RBM39: variants seen among roughly 807,000 people sequenced by gnomAD.
RBM39 encodes RNA binding motif protein 39.
Under a neutral mutation model 79.6 loss-of-function variants are expected in RBM39, and 12 were observed. The observed-to-expected ratio is 0.15, with a 90% CI of 0.10 to 0.24. The LOEUF is 0.24. Among genes scored for constraint, RBM39 ranks in the 10% least tolerant of loss-of-function variants. The pLI is 1.00. For missense variants in RBM39, 243 were observed against 653.4 expected (o/e 0.37, Z 6.85); for synonymous variants, 185 against 208.4 (o/e 0.89, Z 0.97).
chr20:35,702,005 G>A lies in RBM39; in HGVS notation c.*2476C>T, dbSNP rs1421381758. 6.6e-6 allele frequency: 1 copy of A among 152,070 alleles called. No individual in the cohort carries two copies. Among genetic ancestry groups the A allele is most frequent in the Non-Finnish European group, 1.5e-5 (1 of 68,014 alleles). 9.4% of individuals were successfully genotyped at this position (152,070 alleles called of 1,614,324 possible). ...TAGCTTCTCAACTGGCTAAATTCCA[G>A]ATGATTTTCTAACCACTCATCAACA... On this transcript the variant is annotated 3_prime_UTR_variant, in exon 17 of 17. Transcript: ENST00000253363.
rs1050464601 is a variant in RBM39, at chr20:35,714,174, G to C, written c.1096+11C>G. The C allele has an allele frequency of 1.2e-6, 2 of 1,610,910 alleles. No homozygotes were observed. The highest frequency in any genetic ancestry group is 8.5e-7 in the Non-Finnish European group (1 of 1,178,480). On this transcript the variant is annotated intron_variant, in intron 11 of 16. Transcript: ENST00000253363. ...CACAGTAAATCATTCGTAATAGCAAGAAACACTTACCCTCTGCAAGTCTTG... is the reference window on the plus strand; with the variant it reads ...CACAGTAAATCATTCGTAATAGCAACAAACACTTACCCTCTGCAAGTCTTG...
Position 35,707,104 on chromosome 20 carries a change from A to G in RBM39, c.1307+16T>C, listed in dbSNP as rs1273269412. The G allele has an allele frequency of 3.4e-6, 5 of 1,486,048 alleles. No individual in the cohort carries two copies. Among genetic ancestry groups the G allele is most frequent in the Non-Finnish European group, 4.6e-6 (5 of 1,085,252 alleles). 92.1% of individuals were successfully genotyped at this position (1,486,048 alleles called of 1,614,324 possible). ...CGCCTTGATAGGAAATATCAAGAAT[A>G]AAGTCCATTACTTACGTTTGAGGGT... On this transcript the variant is annotated intron_variant, in intron 14 of 16. Transcript: ENST00000253363.
intron 14 of RBM39, among the ~76,000 whole-genome samples, chr20:35,706,758 T>G (rs2035777636): frequency 6.6e-6 from 1 of 151,980 alleles, no homozygotes; most frequent in Non-Finnish European, 1.5e-5. Context: ...CCGGGCCCGG[T>G]GGCTCATGCC....
At chr20:35,708,107 T>G (rs2035967665) in intron 13 of RBM39, 1 of 240,780 alleles carries the variant, frequency 4.2e-6, no homozygotes, top group Admixed American at 5.5e-5. Flanking sequence ...TCATAAATGA[T>G]AACTTTCTGG....
intron 9 of RBM39, chr20:35,720,039 T>C: frequency 1.3e-5 from 3 of 238,592 alleles, no homozygotes; most frequent in Non-Finnish European, 1.8e-5. Flanking sequence ...TGCCTCGGCC[T>C]CCCAAACAAA....
At chr20:35,740,465 CTTAGT>C (rs1362263433) in intron 2 of RBM39, 1 of 1,063,212 alleles carries the variant, frequency 9.4e-7, no homozygotes, top group East Asian at 5.8e-5. Context: ...GGTGGTAATT[CTTAGT>C]TGAGTCATTT....
Position 35,732,020 on chromosome 20 carries a change from G to T in RBM39, c.217C>A (p.Arg73=). The T allele has an allele frequency of 1.2e-6, 2 of 1,614,008 alleles. No individual in the cohort carries two copies. The highest frequency in any genetic ancestry group is 2.2e-5 in the South Asian group (2 of 91,076). The change falls in exon 4 of 17, where the codon CGA becomes AGA. Residue 73 remains arginine (R), a synonymous_variant. Coordinates refer to ENST00000253363, the MANE Select transcript of RBM39 (RefSeq NM_184234.3). ...RKKSKSRERK[R]SRSKERRRSR... ...CGTCGCCTCTCTTTGCTTCTACTTC[G>T]CTTTCTTTCACGGCTTTTGCTCTTT...
chr20:35,728,323 A>C (rs564961450), intron 6 of RBM39, among the ~76,000 whole-genome samples: 1 of 152,346 alleles, frequency 6.6e-6, no homozygotes, highest in South Asian at 2.1e-4. Context: ...AACACAAAGA[A>C]ACATTTAACA....
intron 3 of RBM39, among the ~76,000 whole-genome samples, chr20:35,738,680 A>C (rs1321385503): frequency 6.6e-6 from 1 of 152,238 alleles, no homozygotes; most frequent in Non-Finnish European, 1.5e-5. Context: ...ATATCAAACC[A>C]AAGTTAACAA....
intron 8 of RBM39, 32 bp from the exon 9 acceptor site, chr20:35,721,909 AAC>A: frequency 6.2e-7 from 1 of 1,605,690 alleles, no homozygotes. Context: ...ACACAGAGAT[AAC>A]ACACAGCAGT....
chr20:35,713,062 T>G lies in RBM39; in HGVS notation c.1131A>C (p.Gln377His). 6.2e-7 allele frequency: 1 copy of G among 1,613,886 alleles called. No individual in the cohort carries two copies. Among genetic ancestry groups the G allele is most frequent in the Non-Finnish European group, 8.5e-7 (1 of 1,179,850 alleles). The change falls in exon 12 of 17, where the codon CAA becomes CAC. Residue 377 changes from glutamine (Q) to histidine (H), a missense_variant. Around this residue, in one of 4 missense-constraint regions of RBM39, gnomAD observed 61 missense variants for 322.9 expected, o/e 0.19. Coordinates refer to ENST00000253363, the MANE Select transcript of RBM39 (RefSeq NM_184234.3). ...CCAAAGAGCCACTCATCTGTAGAGC[T>G]TGCTGTGCTGCTGGCGGAATCTGCA... ...TGLQIPPAAQQALQMSGSLAF... is the reference protein window; with the variant it reads ...TGLQIPPAAQHALQMSGSLAF...
In RBM39 at chr20:35,714,000, A is replaced by G. The variant is rs1308769935; in HGVS notation, c.1096+185T>C. Reference sequence around the variant, plus strand: ...ACTTATACTGTGGCATTCAAAACACATAATATAGATTTCCATACATTAATA... The same window carrying G: ...ACTTATACTGTGGCATTCAAAACACGTAATATAGATTTCCATACATTAATA... On this transcript the variant is annotated intron_variant, in intron 11 of 16. Coordinates refer to ENST00000253363, the MANE Select transcript of RBM39 (RefSeq NM_184234.3). 6.7e-5 allele frequency: 41 copies of G among 614,920 alleles called. 1 individual carries two copies. In the Admixed American group the frequency reaches 1.2e-3, roughly 17 times the overall value. The allele number at this position is 614,920 out of a possible 1,614,324, so 38.1% of individuals were successfully genotyped here. A position where few individuals can be genotyped will look rare whatever the true frequency, so the allele number is the denominator to read the frequency against.
At chr20:35,729,766 A>T (rs1000901608) in intron 4 of RBM39, among the ~76,000 whole-genome samples, 2 of 152,046 alleles carry the variant, frequency 1.3e-5, no homozygotes, top group African/African-American at 4.8e-5. Context: ...AAATTTTTAG[A>T]TTCTGAAAAT....
chr20:35,727,128 G>A (rs1220496988), intron 6 of RBM39, among the ~76,000 whole-genome samples: 1 of 151,870 alleles, frequency 6.6e-6, no homozygotes, highest in Non-Finnish European at 1.5e-5. Context: ...CGTGCAGATT[G>A]CTTGGCCCTG....
chr20:35,715,489 G>A (rs936874230), intron 10 of RBM39, among the ~76,000 whole-genome samples: 1 of 151,972 alleles, frequency 6.6e-6, no homozygotes, highest in Non-Finnish European at 1.5e-5. Context: ...AAACACTTTT[G>A]ACAAGACAAT....
chr20:35,735,393 C>T (rs1600629049), intron 3 of RBM39, among the ~76,000 whole-genome samples: 1 of 152,160 alleles, frequency 6.6e-6, no homozygotes, highest in South Asian at 2.1e-4. Context: ...GTTCCTTTTA[C>T]TATTCTAGGA....
At chr20:35,718,813 CA>C (rs555136304) in intron 9 of RBM39, among the ~76,000 whole-genome samples, 2,743 of 37,814 alleles carry the variant, frequency 0.073, 15 homozygotes, top group African/African-American at 0.12. Flanking sequence ...TACTCCATCT[CA>C]AAAAAAAAAA....
At chr20:35,727,207 G>C (rs1014832631) in intron 6 of RBM39, among the ~76,000 whole-genome samples, 2 of 151,860 alleles carry the variant, frequency 1.3e-5, no homozygotes, top group Admixed American at 1.3e-4. Context: ...AAAATTAGCA[G>C]GGCATGGTGG....
At chr20:35,733,425 C>A (rs951981270) in intron 3 of RBM39, among the ~76,000 whole-genome samples, 2 of 151,600 alleles carry the variant, frequency 1.3e-5, no homozygotes, top group African/African-American at 4.8e-5. Context: ...CTAGTCGACA[C>A]GGTGAAAACC....
Sources: gnomAD v4.1 joint callset for allele counts (sites outside exome capture counted in the v4.1 genomes callset) on GRCh38, gnomAD v4.1.1 for gene constraint, gnomAD v4.1.1 regional missense constraint, MANE v1.5 for transcripts, NCBI Gene and HGNC (gene_info 2026-07-23, HGNC 2026-07-21) for gene names.